HDAC9: variants seen among roughly 807,000 people sequenced by gnomAD.
HDAC9 encodes MEF-2 interacting transcription repressor (MITR) protein.
A neutral mutation model predicts 139.4 loss-of-function variants in HDAC9; 41 were observed. The ratio of observed to expected loss-of-function variants is 0.29; its 90% CI spans 0.23 to 0.38. The LOEUF (loss-of-function observed/expected upper bound fraction) is 0.38. HDAC9 is among the 10% of genes least tolerant of loss of function. The probability of loss-of-function intolerance (pLI) is 1.00; values close to 1 mark genes in which losing one functional copy is unlikely to be tolerated. For missense variants in HDAC9, 1,147 were observed against 1,297.0 expected, an observed-to-expected ratio of 0.88 and a Z score of 1.78; for synonymous variants, 517 against 476.2, an observed-to-expected ratio of 1.09 and a Z score of -1.12.
At chr7:18,767,042 C>A in intron 15 of HDAC9, 64 bp from the exon 16 acceptor site, 3 of 748,884 alleles carry the variant, frequency 4.0e-6, no homozygotes, top group Non-Finnish European at 4.2e-6. Flanking sequence ...TTAATAAATG[C>A]CAACATTTTA....
intron 1 of HDAC9, among the ~76,000 whole-genome samples, chr7:18,150,598 A>G (rs891956244): frequency 6.6e-6 from 1 of 152,202 alleles, no homozygotes; most frequent in Admixed American, 6.5e-5. Context: ...TTTTGTCACA[A>G]ACATACCTCT....
chr7:18,715,588 G>A (rs1306168227), intron 12 of HDAC9, among the ~76,000 whole-genome samples: 1 of 152,086 alleles, frequency 6.6e-6, no homozygotes, highest in Non-Finnish European at 1.5e-5. Context: ...TGGAATGAGA[G>A]GGTATAAAGA....
chr7:18,820,005 G>C (rs550127607), intron 17 of HDAC9, among the ~76,000 whole-genome samples: 2 of 152,258 alleles, frequency 1.3e-5, no homozygotes, highest in South Asian at 2.1e-4. Flanking sequence ...TATGGCATTT[G>C]TGGGTTTTAC....
intron 1 of HDAC9, among the ~76,000 whole-genome samples, chr7:18,105,948 A>G (rs1194014600): frequency 6.6e-6 from 1 of 152,186 alleles, no homozygotes; most frequent in Non-Finnish European, 1.5e-5. Context: ...CCTTGAAAAC[A>G]TTATGCTAAG....
chr7:18,707,602 C>T (rs923906274), intron 12 of HDAC9, among the ~76,000 whole-genome samples: 7 of 152,086 alleles, frequency 4.6e-5, no homozygotes, highest in Non-Finnish European at 8.8e-5. Flanking sequence ...AGTATGACAC[C>T]TGCTCTTTTT....
intron 25 of HDAC9, among the ~76,000 whole-genome samples, chr7:18,981,294 C>A (rs934114045): frequency 3.9e-5 from 6 of 152,196 alleles, no homozygotes; most frequent in East Asian, 1.9e-4. Context: ...AGTTCATTCA[C>A]TCTTTCAACA....
intron 21 of HDAC9, among the ~76,000 whole-genome samples, chr7:18,856,460 G>C (rs1318505644): frequency 6.6e-6 from 1 of 152,080 alleles, no homozygotes; most frequent in Non-Finnish European, 1.5e-5. Context: ...CTGCTGCATA[G>C]AAATTGCCCC....
At chr7:18,790,537 T>A (rs1792211772) in intron 16 of HDAC9, among the ~76,000 whole-genome samples, 1 of 152,178 alleles carries the variant, frequency 6.6e-6, no homozygotes, top group Non-Finnish European at 1.5e-5. Context: ...ATTTCTTTTG[T>A]TTAAGCTACC....
intron 1 of HDAC9, among the ~76,000 whole-genome samples, chr7:18,303,619 C>T (rs747879579): frequency 6.6e-6 from 1 of 152,090 alleles, no homozygotes; most frequent in Non-Finnish European, 1.5e-5. Flanking sequence ...AGCTGACTAC[C>T]AAATTTCATT....
intron 12 of HDAC9, among the ~76,000 whole-genome samples, chr7:18,726,528 G>A (rs1785559610): frequency 6.6e-6 from 1 of 152,038 alleles, no homozygotes; most frequent in South Asian, 2.1e-4. Flanking sequence ...TGGAGCAACA[G>A]TTTCTTTATC....
At chr7:18,920,959 C>G (rs1563056851) in intron 22 of HDAC9, among the ~76,000 whole-genome samples, 1 of 151,918 alleles carries the variant, frequency 6.6e-6, no homozygotes, top group Non-Finnish European at 1.5e-5. Context: ...CTTTGACAAA[C>G]CTGACAAAAA....
rs141048865 is a variant in HDAC9, at chr7:18,898,812, A to G, written c.2803+24216A>G. 8.9e-4 allele frequency among the ~76,000 whole-genome samples: 135 copies of G among 151,972 alleles called. 1 individual carries two copies. Among genetic ancestry groups the G allele is most frequent in the African/African-American group, 3.1e-3 (127 of 41,518 alleles). On this transcript the variant is annotated intron_variant, in intron 22 of 25. Coordinates refer to ENST00000686413, the MANE Select transcript of HDAC9 (RefSeq NM_178425.4). ...TATTGTCTATCTGATTGCATAGTGG[A>G]CATTTTCCATAAATTGAATCAGCTA...
At chr7:18,087,619 A>T (rs1245193216) in intron 1 of HDAC9, among the ~76,000 whole-genome samples, 1 of 152,190 alleles carries the variant, frequency 6.6e-6, no homozygotes, top group East Asian at 1.9e-4. Context: ...TGTTTCGTGG[A>T]GGACTTCAGT....
chr7:18,845,864 C>A (rs546886858), intron 21 of HDAC9, among the ~76,000 whole-genome samples: 3 of 152,108 alleles, frequency 2.0e-5, no homozygotes, highest in African/African-American at 7.2e-5. Context: ...TCTGTGGGTG[C>A]GCATCTGCTC....
chr7:18,616,600 A>G (rs540565216), intron 6 of HDAC9, among the ~76,000 whole-genome samples: 1 of 152,340 alleles, frequency 6.6e-6, no homozygotes, highest in African/African-American at 2.4e-5. Context: ...AATGCTATTG[A>G]GGTAGAATTG....
intron 23 of HDAC9, among the ~76,000 whole-genome samples, chr7:18,946,976 G>A (rs1421047643): frequency 6.6e-6 from 1 of 151,918 alleles, no homozygotes; most frequent in African/African-American, 2.4e-5. Flanking sequence ...TCTTACCACA[G>A]TGAGGTAATT....
intron 2 of HDAC9, among the ~76,000 whole-genome samples, chr7:18,179,652 T>C (rs1165173665): frequency 3.3e-5 from 5 of 152,214 alleles, no homozygotes; most frequent in African/African-American, 1.2e-4. Context: ...TATTACCTTA[T>C]CTGTTTATCT....
intron 1 of HDAC9, among the ~76,000 whole-genome samples, chr7:18,440,189 CTT>C (rs527897900): frequency 1.5e-4 from 19 of 130,100 alleles, no homozygotes; most frequent in Admixed American, 1.5e-4. Context: ...TTTTTTTTTT[CTT>C]TTTTTTTTTT....
chr7:18,156,901 G>A (rs1019006609), intron 1 of HDAC9, among the ~76,000 whole-genome samples: 4 of 152,116 alleles, frequency 2.6e-5, no homozygotes, highest in Middle Eastern at 3.2e-3. Context: ...GAGGCAGGAC[G>A]ATAGGGATAA....
Sources: gnomAD v4.1 joint callset for allele counts (sites outside exome capture counted in the v4.1 genomes callset) on GRCh38, gnomAD v4.1.1 for gene constraint, MANE v1.5 for transcripts, NCBI Gene and HGNC (gene_info 2026-07-23, HGNC 2026-07-21) for gene names.